The following MEI4 variants were observed in gnomAD, a reference collection of about 807,000 sequenced individuals.
MEI4 encodes meiotic double-stranded break formation protein 4.
Under a neutral mutation model 31.4 loss-of-function variants are expected in MEI4, and 27 were observed. That is an observed-to-expected ratio of 0.86 (90% CI 0.63 to 1.19). MEI4 has a LOEUF of 1.19. Ranked by LOEUF, MEI4 falls within the 50% of genes most tolerant of loss-of-function variation. The pLI, the probability that MEI4 is intolerant of heterozygous loss-of-function variation, is 0.00. For synonymous variants in MEI4, 122 were observed against 145.4 expected (o/e 0.84, Z 1.16); for missense variants, 329 against 398.9 (o/e 0.82, Z 1.49).
intron 3 of MEI4, among the ~76,000 whole-genome samples, chr6:77,782,194 T>G (rs1768611525): frequency 6.6e-6 from 1 of 152,038 alleles, no homozygotes; most frequent in East Asian, 1.9e-4. Flanking sequence ...GTTAAACTGT[T>G]AGTTAGGATT....
chr6:77,876,944 C>T (rs1038955826), intron 4 of MEI4, among the ~76,000 whole-genome samples: 2 of 151,978 alleles, frequency 1.3e-5, no homozygotes, highest in Non-Finnish European at 1.5e-5. Context: ...AAGAAAAATG[C>T]AGAGTGAAAT....
At chr6:77,767,998 T>C (rs1005815668) in intron 3 of MEI4, among the ~76,000 whole-genome samples, 4 of 152,182 alleles carry the variant, frequency 2.6e-5, no homozygotes, top group Admixed American at 1.3e-4. Flanking sequence ...CTATTATGCT[T>C]TATAGTTTAT....
chr6:77,746,650 T>C (rs1028793189), intron 2 of MEI4, among the ~76,000 whole-genome samples: 50 of 116,660 alleles, frequency 4.3e-4, no homozygotes, highest in African/African-American at 1.4e-3. Context: ...TGTGTGTGTG[T>C]GTGTGTGTGT....
At chr6:77,650,611 C>T (rs1768282849), upstream of MEI4, among the ~76,000 whole-genome samples, 1 of 152,348 alleles carries the variant, frequency 6.6e-6, no homozygotes, top group African/African-American at 2.4e-5. Flanking sequence ...CTTTCCAGGA[C>T]GCCCTCCCTC....
intron 2 of MEI4, among the ~76,000 whole-genome samples, chr6:77,743,274 G>T (rs1386119916): frequency 6.6e-6 from 1 of 152,096 alleles, no homozygotes; most frequent in African/African-American, 2.4e-5. Context: ...TCTTCCATTT[G>T]TTTGTATCCT....
intron 4 of MEI4, among the ~76,000 whole-genome samples, chr6:77,875,657 C>T (rs1417473864): frequency 2.6e-5 from 4 of 152,142 alleles, no homozygotes; most frequent in African/African-American, 9.7e-5. Context: ...AATACTGTTA[C>T]AGATTGTTTT....
intron 2 of MEI4, among the ~76,000 whole-genome samples, chr6:77,732,203 G>A (rs1424154081): frequency 1.8e-4 from 28 of 151,726 alleles, no homozygotes; most frequent in African/African-American, 6.1e-4. Context: ...CATTGAATCT[G>A]TAAATTACCT....
intron 2 of MEI4, among the ~76,000 whole-genome samples, chr6:77,702,979 A>G (rs530145527): frequency 5.3e-5 from 8 of 152,246 alleles, no homozygotes; most frequent in African/African-American, 1.9e-4. Context: ...AGACTAGATT[A>G]GGTTCTCCTG....
At chr6:77,818,223 A>C (rs1297444912) in intron 3 of MEI4, among the ~76,000 whole-genome samples, 1 of 152,162 alleles carries the variant, frequency 6.6e-6, no homozygotes, top group East Asian at 1.9e-4. Context: ...TTTAAAATGA[A>C]CATCTCTGGA....
chr6:77,881,332 G>A (rs925004131), intron 4 of MEI4, among the ~76,000 whole-genome samples: 4 of 151,846 alleles, frequency 2.6e-5, no homozygotes, highest in African/African-American at 9.7e-5. Flanking sequence ...TTTTCAGGAA[G>A]AGCCTCCTGG....
chr6:77,774,961 A>T (rs1768401661), intron 3 of MEI4, among the ~76,000 whole-genome samples: 1 of 151,966 alleles, frequency 6.6e-6, no homozygotes, highest in Admixed American at 6.6e-5. Context: ...ATGAAAGGAG[A>T]ATCTTTCCTT....
At chr6:77,747,578 C>T (rs1293740708) in intron 2 of MEI4, among the ~76,000 whole-genome samples, 1 of 152,054 alleles carries the variant, frequency 6.6e-6, no homozygotes, top group Non-Finnish European at 1.5e-5. Flanking sequence ...CCCTATGATC[C>T]AGTCATCTTC....
chr6:77,686,331 G>T (rs1254337437), intron 1 of MEI4, among the ~76,000 whole-genome samples: 1 of 151,942 alleles, frequency 6.6e-6, no homozygotes, highest in East Asian at 1.9e-4. Context: ...CATGGTGAAG[G>T]GTTGCTTTTA....
intron 2 of MEI4, among the ~76,000 whole-genome samples, chr6:77,750,888 A>C (rs1767752307): frequency 6.6e-6 from 1 of 152,222 alleles, no homozygotes. Context: ...ACTTCTTAGC[A>C]AATGCAAAAG....
intron 4 of MEI4, among the ~76,000 whole-genome samples, chr6:77,891,491 C>T (rs577638281): frequency 7.2e-5 from 11 of 152,194 alleles, no homozygotes; most frequent in East Asian, 3.9e-4. Flanking sequence ...ATATCTTTCT[C>T]GTCTGAATTT....
chr6:77,922,892 T>C lies in MEI4; in HGVS notation c.901-197T>C, dbSNP rs552780049. Among the ~76,000 whole-genome samples the C allele has an allele frequency of 5.9e-5, 9 of 151,842 alleles. No individual in the cohort carries two copies. In the East Asian group the frequency reaches 1.6e-3, roughly 26 times the overall value. On this transcript the variant is annotated intron_variant, in intron 4 of 4. Transcript: ENST00000684080. ...TTCATGAAACAGCAAGAAAGAAAAG[T>C]CATTCACCATGATTGTAAAGTCTTT... is the stretch of plus-strand genomic sequence containing the variant.
chr6:77,817,033 G>GTA (rs1367834805), intron 3 of MEI4, among the ~76,000 whole-genome samples: 1 of 151,910 alleles, frequency 6.6e-6, no homozygotes, highest in Middle Eastern at 3.2e-3. Flanking sequence ...ATGTGTGTGT[G>GTA]TGTGTGTGTT....
chr6:77,672,075 T>C (rs1356401371), intron 1 of MEI4, among the ~76,000 whole-genome samples: 1 of 152,190 alleles, frequency 6.6e-6, no homozygotes, highest in African/African-American at 2.4e-5. Flanking sequence ...ACAACTGAAG[T>C]CAGCAGAACG....
chr6:77,812,697 A>T (rs1223168442), intron 3 of MEI4, among the ~76,000 whole-genome samples: 1 of 152,112 alleles, frequency 6.6e-6, no homozygotes, highest in African/African-American at 2.4e-5. Flanking sequence ...ACACCACAAA[A>T]GTGAGCCTTT....
Sources: allele counts gnomAD v4.1 joint callset (sites outside exome capture counted in the v4.1 genomes callset), GRCh38; gene constraint gnomAD v4.1.1; transcripts MANE v1.5; gene names NCBI Gene and HGNC (gene_info 2026-07-23, HGNC 2026-07-21).